The following ADAMTS18 variants were observed in gnomAD, a reference collection of about 807,000 sequenced individuals.
ADAMTS18 encodes the protein ADAM metallopeptidase with thrombospondin type 1 motif 18.
A neutral mutation model predicts 165.9 loss-of-function variants in ADAMTS18; 157 were observed. The ratio of observed to expected loss-of-function variants is 0.95; its 90% CI spans 0.83 to 1.08. ADAMTS18 has a LOEUF of 1.08. Among genes scored for constraint, ADAMTS18 ranks in the 50% least tolerant of loss-of-function variants. ADAMTS18 has a pLI of 0.00. For missense variants in ADAMTS18, 2,040 were observed against 1,534.0 expected, an observed-to-expected ratio of 1.33 and a Z score of -5.51; for synonymous variants, 782 against 578.2, an observed-to-expected ratio of 1.35 and a Z score of -5.06.
intron 7 of ADAMTS18, 115 bp from the exon 8 acceptor site, chr16:77,359,538 C>G: frequency 1.4e-6 from 1 of 707,590 alleles, no homozygotes; most frequent in Non-Finnish European, 2.3e-6. Context: ...TCAATGCATT[C>G]AGTGTTTTTG....
At position 77,356,036 on chromosome 16, in the gene ADAMTS18, T is replaced by C. The variant is rs776584074; in HGVS notation, c.1364A>G (p.Lys455Arg). The C allele has an allele frequency of 6.2e-7, 1 of 1,613,984 alleles. No homozygotes were observed. Among genetic ancestry groups the C allele is most frequent in the Non-Finnish European group, 8.5e-7 (1 of 1,179,988 alleles). The change falls in exon 9 of 23, where the codon AAG (lysine) becomes AGG (arginine). Residue 455 changes from lysine to arginine, a missense_variant. By Grantham distance (26) the Lys-to-Arg change is conservative. Coordinates refer to ENST00000282849, the MANE Select transcript of ADAMTS18 (RefSeq NM_199355.4). Reference sequence around the variant, plus strand: ...GGGAGACATGATATTGCCTTCAGCCTTTCTGCAGGGATTCCCTTCTCCATC... The same window carrying C: ...GGGAGACATGATATTGCCTTCAGCCCTTCTGCAGGGATTCCCTTCTCCATC... ...IHDGEGNPCR[K>R]AEGNIMSPTL...
Position 77,353,747 on chromosome 16 carries a change from G to T in ADAMTS18, c.1600C>A (p.Leu534Ile), listed in dbSNP as rs1327578130. Residue 534 changes from leucine to isoleucine, a missense_variant, in exon 10 of 23, where the codon CTT becomes ATT. Leu to Ile is a conservative substitution (Grantham distance 5, BLOSUM62 2). Coordinates refer to ENST00000282849, the MANE Select transcript of ADAMTS18 (RefSeq NM_199355.4). ...AGCAAACATACCTTCACAAAACCAAGGCTGCATAACTTGGCTTTTGCTCCA... is the reference window on the plus strand; with the variant it reads ...AGCAAACATACCTTCACAAAACCAATGCTGCATAACTTGGCTTTTGCTCCA... ...QFGAKAKLCS[L>I]GFVKDICKSL... 3 of 1,614,010 alleles carry T rather than the reference G, an allele frequency of 1.9e-6. No homozygotes were observed. Among genetic ancestry groups the T allele is most frequent in the Non-Finnish European group, 2.5e-6 (3 of 1,180,030 alleles).
intron 3 of ADAMTS18, among the ~76,000 whole-genome samples, chr16:77,424,201 G>A (rs2057641933): frequency 6.6e-6 from 1 of 152,176 alleles, no homozygotes; most frequent in African/African-American, 2.4e-5. Flanking sequence ...GGGCGCGGTG[G>A]CTCACGCCTG....
At chr16:77,339,186 A>C (rs1324200612) in intron 11 of ADAMTS18, among the ~76,000 whole-genome samples, 1 of 151,100 alleles carries the variant, frequency 6.6e-6, no homozygotes, top group Non-Finnish European at 1.5e-5. Context: ...ACAGTCTAAC[A>C]AGCAGCCAGT....
intron 3 of ADAMTS18, among the ~76,000 whole-genome samples, chr16:77,372,834 G>A (rs7205945): frequency 0.26 from 39,407 of 151,848 alleles, 5,776 homozygotes; most frequent in East Asian, 0.57. Flanking sequence ...AATCCCACCT[G>A]TCCTATCCAA....
At chr16:77,396,797 T>C (rs1388164325) in intron 3 of ADAMTS18, among the ~76,000 whole-genome samples, 3 of 145,064 alleles carry the variant, frequency 2.1e-5, no homozygotes, top group Admixed American at 1.4e-4. Flanking sequence ...CCAGTCTTCA[T>C]TGCCTTTTTT....
At chr16:77,289,540 G>A (rs1223964245) in intron 21 of ADAMTS18, 129 bp from the exon 22 acceptor site, 15 of 1,083,794 alleles carry the variant, frequency 1.4e-5, no homozygotes, top group East Asian at 5.0e-5. Context: ...CTGGAGCCAG[G>A]CACATGTGCT....
rs145225846 is a variant in ADAMTS18, at chr16:77,299,112, T to C, written c.2674+1151A>G. Among the ~76,000 whole-genome samples the C allele has an allele frequency of 4.9e-3, 743 of 152,328 alleles. 8 individuals carry two copies. Among genetic ancestry groups the C allele is most frequent in the African/African-American group, 0.017 (704 of 41,582 alleles). On this transcript the variant is annotated intron_variant, in intron 17 of 22. Transcript: ENST00000282849. ...AACACTGGATATGAGAAAGACCTCATAATCTGTGACTAAATGAAACAGTGT... is the reference window on the plus strand; with the variant it reads ...AACACTGGATATGAGAAAGACCTCACAATCTGTGACTAAATGAAACAGTGT...
chr16:77,427,928 C>T (rs1446512960), intron 3 of ADAMTS18, among the ~76,000 whole-genome samples: 1 of 152,228 alleles, frequency 6.6e-6, no homozygotes, highest in Non-Finnish European at 1.5e-5. Flanking sequence ...TATGTACGTA[C>T]ATACGTATTC....
chr16:77,347,562 T>C (rs926734296), intron 10 of ADAMTS18, among the ~76,000 whole-genome samples: 1 of 152,162 alleles, frequency 6.6e-6, no homozygotes. Context: ...GCAATTGATA[T>C]TGAGTACCAT....
intron 12 of ADAMTS18, among the ~76,000 whole-genome samples, chr16:77,332,294 C>A (rs758588906): frequency 2.0e-5 from 3 of 152,154 alleles, no homozygotes; most frequent in Non-Finnish European, 2.9e-5. Flanking sequence ...TCACATTCTT[C>A]AAAAGTCAGT....
intron 3 of ADAMTS18, among the ~76,000 whole-genome samples, chr16:77,407,100 T>C (rs1251672600): frequency 1.3e-5 from 2 of 151,984 alleles, no homozygotes; most frequent in Non-Finnish European, 2.9e-5. Flanking sequence ...AAATAAAAAT[T>C]GAAGAGAAAG....
chr16:77,299,583 T>C (rs2055541613), intron 17 of ADAMTS18, among the ~76,000 whole-genome samples: 1 of 152,184 alleles, frequency 6.6e-6, no homozygotes, highest in Non-Finnish European at 1.5e-5. Context: ...CCAACATTCA[T>C]GCTGTGGTTT....
At chr16:77,431,883 T>G (rs868384525) in intron 2 of ADAMTS18, 5 of 518,274 alleles carry the variant, frequency 9.6e-6, no homozygotes, top group Non-Finnish European at 1.4e-5. Flanking sequence ...ACACCTCTCA[T>G]TGTCTGGAGA....
chr16:77,428,879 C>A (rs2057704835), intron 3 of ADAMTS18, among the ~76,000 whole-genome samples: 2 of 152,178 alleles, frequency 1.3e-5, no homozygotes, highest in Admixed American at 1.3e-4. Context: ...TTTATACATA[C>A]TCTGTGACTC....
intron 16 of ADAMTS18, among the ~76,000 whole-genome samples, chr16:77,309,922 C>T (rs558175820): frequency 6.6e-6 from 1 of 152,206 alleles, no homozygotes. Flanking sequence ...CACATTGATT[C>T]CTCAAATGCA....
intron 10 of ADAMTS18, among the ~76,000 whole-genome samples, chr16:77,349,944 A>C (rs1420673333): frequency 6.6e-6 from 1 of 152,230 alleles, no homozygotes; most frequent in African/African-American, 2.4e-5. Context: ...GCTATGTGAC[A>C]GTAACTGTGC....
chr16:77,321,344 T>C (rs756427283), intron 14 of ADAMTS18, 142 bp from the exon 15 acceptor site: 5 of 1,088,984 alleles, frequency 4.6e-6, no homozygotes, highest in East Asian at 2.6e-5. Flanking sequence ...CAGCCTCAAG[T>C]TGGACTCACT....
intron 9 of ADAMTS18, among the ~76,000 whole-genome samples, chr16:77,354,575 T>C (rs2056601296): frequency 6.6e-6 from 1 of 152,072 alleles, no homozygotes; most frequent in East Asian, 1.9e-4. Flanking sequence ...AGAAGTTAAT[T>C]ATCATGGTGG....
Sources: gnomAD v4.1 joint callset for allele counts (sites outside exome capture counted in the v4.1 genomes callset) on GRCh38, gnomAD v4.1.1 for gene constraint, MANE v1.5 for transcripts, NCBI Gene and HGNC (gene_info 2026-07-23, HGNC 2026-07-21) for gene names.